Variants in RFPL1 observed in about 807,000 individuals in gnomAD.
RFPL1 encodes the protein ret finger protein like 1, also known as ret finger protein-like 1.
A neutral mutation model predicts 9.6 loss-of-function variants in RFPL1; 6 were observed. That is an observed-to-expected ratio of 0.62 (90% CI 0.34 to 1.23). The LOEUF (loss-of-function observed/expected upper bound fraction) is 1.23. Among genes scored for constraint, RFPL1 ranks in the 50% most tolerant of loss-of-function variants. RFPL1 has a pLI of 0.03. For missense variants in RFPL1, 352 were observed against 398.4 expected (o/e 0.88, Z 0.99); for synonymous variants, 145 against 149.4 (o/e 0.97, Z 0.22).
At chr22:29,419,145 T>A in the RFPL1 span, 6 of 1,608,478 alleles carry the variant, frequency 3.7e-6, no homozygotes, top group East Asian at 1.3e-4. Context: ...CCAGGCCTAC[T>A]CCTACACACC....
chr22:29,426,738 C>G, the RFPL1 span, among the ~76,000 whole-genome samples: 1 of 151,794 alleles, frequency 6.6e-6, no homozygotes, highest in African/African-American at 2.4e-5. Context: ...ATAGAGCAGA[C>G]TCTGTATCAA....
At chr22:29,408,353 C>T in the RFPL1 span, among the ~76,000 whole-genome samples, 1 of 152,164 alleles carries the variant, frequency 6.6e-6, no homozygotes, top group African/African-American at 2.4e-5. Flanking sequence ...TGCCTTCCTT[C>T]AACACCAAGG....
exon 2 of RFPL1, chr22:29,441,766 T>A (rs770614019): frequency 6.2e-7 from 1 of 1,613,860 alleles, no homozygotes; most frequent in Non-Finnish European, 8.5e-7. Flanking sequence ...CTGCAGAGAA[T>A]CTGTTCACCG....
chr22:29,400,396 C>CT, the RFPL1 span, among the ~76,000 whole-genome samples: 35 of 152,294 alleles, frequency 2.3e-4, no homozygotes, highest in African/African-American at 8.4e-4. Flanking sequence ...ATGAAAAGAG[C>CT]TTTTTGTAAA....
the RFPL1 span, among the ~76,000 whole-genome samples, chr22:29,396,699 G>A: frequency 3.9e-5 from 6 of 151,982 alleles, no homozygotes; most frequent in Admixed American, 1.3e-4. Context: ...GGCTGGTCTC[G>A]AACTCCTGGC....
At chr22:29,392,378 CTTTTTTTTTTTTTTTTTTT>C in the RFPL1 span, among the ~76,000 whole-genome samples, 5 of 46,272 alleles carry the variant, frequency 1.1e-4, no homozygotes, top group Non-Finnish European at 1.6e-4. Flanking sequence ...CCACACCTGG[CTTTTTTTTTTTTTTTTTTT>C]TTTTTTTTTT....
upstream of RFPL1, chr22:29,437,793 T>C (rs117525765): frequency 6.0e-3 from 8,888 of 1,481,070 alleles, 370 homozygotes; most frequent in East Asian, 0.11. Flanking sequence ...GGTTATGCCT[T>C]GGGGGATGAA....
At chr22:29,415,384 G>C in the RFPL1 span, among the ~76,000 whole-genome samples, 40,529 of 152,146 alleles carry the variant, frequency 0.27, 7,230 homozygotes, top group African/African-American at 0.47. Context: ...CCAAGCGCCA[G>C]TTCCTTCCCG....
At chr22:29,436,084 G>A (rs1169739102), upstream of RFPL1, among the ~76,000 whole-genome samples, 1 of 151,882 alleles carries the variant, frequency 6.6e-6, no homozygotes, top group Non-Finnish European at 1.5e-5. Context: ...GTTGGTTATT[G>A]GATACAGAAT....
chr22:29,404,768 C>T, the RFPL1 span, among the ~76,000 whole-genome samples: 1 of 152,118 alleles, frequency 6.6e-6, no homozygotes, highest in African/African-American at 2.4e-5. Context: ...GCTTTGTCAC[C>T]CAGGCTGGAG....
chr22:29,408,885 G>A, the RFPL1 span, among the ~76,000 whole-genome samples: 1 of 152,142 alleles, frequency 6.6e-6, no homozygotes. Context: ...TGTTCCACAA[G>A]CATCCTCTAT....
chr22:29,438,685 A>G (rs1420192975), exon 1 of RFPL1: 4 of 1,524,364 alleles, frequency 2.6e-6, no homozygotes, highest in Non-Finnish European at 3.5e-6. Context: ...TTCTTTCCCA[A>G]TAGAACTTCA....
At chr22:29,424,621 G>C in the RFPL1 span, among the ~76,000 whole-genome samples, 1 of 142,012 alleles carries the variant, frequency 7.0e-6, no homozygotes, top group Non-Finnish European at 1.5e-5. Context: ...CTTCTGAAAA[G>C]GAGGACAATT....
chr22:29,424,656 T>TAAAAAA, the RFPL1 span, among the ~76,000 whole-genome samples: 2 of 121,832 alleles, frequency 1.6e-5, no homozygotes, highest in South Asian at 2.7e-4. Context: ...AAGGACAAAG[T>TAAAAAA]AAAAAAAAAA....
the RFPL1 span, among the ~76,000 whole-genome samples, chr22:29,429,702 T>G: frequency 6.6e-6 from 1 of 152,318 alleles, no homozygotes; most frequent in Non-Finnish European, 1.5e-5. Flanking sequence ...GCCTTACTTG[T>G]AAATGATATG....
chr22:29,390,851 G>A, the RFPL1 span, among the ~76,000 whole-genome samples: 1 of 151,520 alleles, frequency 6.6e-6, no homozygotes, highest in Non-Finnish European at 1.5e-5. Flanking sequence ...GCCCGCCTCA[G>A]CCTCCCAAAG....
At chr22:29,437,508 A>G, upstream of RFPL1, 2 of 1,075,424 alleles carry the variant, frequency 1.9e-6, no homozygotes, top group South Asian at 2.9e-5. Context: ...GTCAGGATGA[A>G]GGATTTACTA....
the RFPL1 span, among the ~76,000 whole-genome samples, chr22:29,405,562 G>T: frequency 6.6e-6 from 1 of 152,162 alleles, no homozygotes; most frequent in Non-Finnish European, 1.5e-5. Context: ...GAAATATTGG[G>T]GCAGCAGGAT....
At chr22:29,391,015 G>A in the RFPL1 span, among the ~76,000 whole-genome samples, 3 of 151,712 alleles carry the variant, frequency 2.0e-5, no homozygotes, top group Non-Finnish European at 2.9e-5. Flanking sequence ...GGTGGTGGGT[G>A]CCTGTAGTCC....
Sources: gnomAD v4.1 joint callset for allele counts (sites outside exome capture counted in the v4.1 genomes callset) on GRCh38, gnomAD v4.1.1 for gene constraint, MANE v1.5 for transcripts, NCBI Gene and HGNC (gene_info 2026-07-23, HGNC 2026-07-21) for gene names.